ESCO1: variants seen among roughly 807,000 people sequenced by gnomAD.
The protein encoded by ESCO1 is establishment of sister chromatid cohesion N-acetyltransferase 1.
In ESCO1, 33 loss-of-function variants were observed where a neutral mutation model predicts 83.5. The ratio of observed to expected loss-of-function variants is 0.40; its 90% CI spans 0.30 to 0.53. The LOEUF (loss-of-function observed/expected upper bound fraction) is 0.53. Among genes scored for constraint, ESCO1 ranks in the 20% least tolerant of loss-of-function variants. The pLI is 0.63. For synonymous variants in ESCO1, 332 were observed against 324.3 expected, an observed-to-expected ratio of 1.02 and a Z score of -0.25; for missense variants, 855 against 968.0, an observed-to-expected ratio of 0.88 and a Z score of 1.55.
intron 4 of ESCO1, among the ~76,000 whole-genome samples, chr18:21,570,066 T>C (rs2038319105): frequency 6.6e-6 from 1 of 152,162 alleles, no homozygotes; most frequent in African/African-American, 2.4e-5. Flanking sequence ...TTGAGATTAG[T>C]GAAAAATAAT....
At chr18:21,584,031 C>G (rs920447420) in intron 2 of ESCO1, among the ~76,000 whole-genome samples, 1 of 152,094 alleles carries the variant, frequency 6.6e-6, no homozygotes, top group African/African-American at 2.4e-5. Flanking sequence ...AGAGAATATA[C>G]AGAATCATAT....
rs1485469521 is a variant in ESCO1, at chr18:21,575,197, G to A, written c.-354C>T. On this transcript the variant is annotated 5_prime_UTR_variant, in exon 4 of 12. Coordinates refer to ENST00000269214, the MANE Select transcript of ESCO1 (RefSeq NM_052911.3). ...ATTTTTTAATTAATTTTGGTTTCAG[G>A]CCTAGCTCTATTACTGGAGGAGTTA... The A allele has an allele frequency of 5.2e-6, 2 of 382,162 alleles. No individual in the cohort carries two copies. Among genetic ancestry groups the A allele is most frequent in the Admixed American group, 8.9e-5 (2 of 22,406 alleles). The allele number at this position is 382,162 out of a possible 1,614,324, so 23.7% of individuals were successfully genotyped here.
rs939200447 is a variant in ESCO1, at chr18:21,573,839, C to T, written c.1005G>A (p.Lys335=). 1 of 1,613,842 alleles carries T rather than the reference C, an allele frequency of 6.2e-7. No homozygotes were observed. Among genetic ancestry groups the T allele is most frequent in the Non-Finnish European group, 8.5e-7 (1 of 1,179,990 alleles). ...SSQMESVKEE[K]PTEIKLEETS... Reference sequence around the variant, plus strand: ...TCTCTTCCAATTTTATTTCTGTGGGCTTTTCTTCCTTTACACTTTCCATTT... The same window carrying T: ...TCTCTTCCAATTTTATTTCTGTGGGTTTTTCTTCCTTTACACTTTCCATTT... Residue 335 remains lysine (K), a synonymous_variant, in exon 4 of 12, where the codon AAG becomes AAA. Transcript: ENST00000269214.
intron 7 of ESCO1, among the ~76,000 whole-genome samples, chr18:21,562,255 A>C (rs569107841): frequency 4.8e-4 from 73 of 152,116 alleles, no homozygotes; most frequent in African/African-American, 1.7e-3. Flanking sequence ...AGCACTCTGG[A>C]TCACGAGGTC....
intron 1 of ESCO1, among the ~76,000 whole-genome samples, chr18:21,594,038 T>G (rs1056827343): frequency 1.3e-5 from 2 of 152,156 alleles, no homozygotes; most frequent in East Asian, 3.8e-4. Flanking sequence ...GCAGCCTGTT[T>G]AGCAAGAGCA....
At chr18:21,592,434 C>G (rs1474674216) in intron 1 of ESCO1, among the ~76,000 whole-genome samples, 1 of 144,096 alleles carries the variant, frequency 6.9e-6, no homozygotes, top group African/African-American at 2.6e-5. Flanking sequence ...GGGGCTGACC[C>G]CCCCACCTCC....
intron 9 of ESCO1, among the ~76,000 whole-genome samples, chr18:21,538,345 C>T (rs967311807): frequency 6.6e-6 from 1 of 150,544 alleles, no homozygotes; most frequent in Non-Finnish European, 1.5e-5. Flanking sequence ...GAGAAGCCAG[C>T]ACCCATAACT....
intron 5 of ESCO1, among the ~76,000 whole-genome samples, chr18:21,566,545 C>T (rs1174067281): frequency 6.6e-6 from 1 of 152,062 alleles, no homozygotes. Context: ...CAAATGAAAA[C>T]ATTTTCTTGT....
chr18:21,530,335 A>G lies in ESCO1; in HGVS notation c.*8T>C, dbSNP rs968832739. The G allele has an allele frequency of 6.3e-7, 1 of 1,574,856 alleles. No individual in the cohort carries two copies. The highest frequency in any genetic ancestry group is 8.6e-7 in the Non-Finnish European group (1 of 1,162,820). On this transcript the variant is annotated 3_prime_UTR_variant, in exon 12 of 12. Coordinates refer to ENST00000269214, the MANE Select transcript of ESCO1 (RefSeq NM_052911.3). ...GATGTCTTCTAGTGGTGTAGGCAAG[A>G]ATTTGTTTTACGTGCTATTCTGTCC...
At chr18:21,583,582 C>T (rs2850583) in intron 2 of ESCO1, among the ~76,000 whole-genome samples, 149,406 of 151,914 alleles carry the variant, frequency 0.98, 73,517 homozygotes, top group East Asian at 1. Flanking sequence ...AGGCAGAGGT[C>T]ATGGTGAGCC....
At chr18:21,590,958 A>G (rs80291080) in intron 1 of ESCO1, among the ~76,000 whole-genome samples, 7 of 141,822 alleles carry the variant, frequency 4.9e-5, no homozygotes, top group Admixed American at 1.6e-4. Flanking sequence ...AAAAAAAAAA[A>G]GAAAAAAATC....
intron 8 of ESCO1, among the ~76,000 whole-genome samples, chr18:21,553,822 T>A: frequency 7.1e-6 from 1 of 141,020 alleles, no homozygotes; most frequent in African/African-American, 2.7e-5. Flanking sequence ...GTTGCGCCAC[T>A]CACTGCACTC....
chr18:21,534,374 C>A (rs542434916), intron 10 of ESCO1, among the ~76,000 whole-genome samples: 1 of 152,302 alleles, frequency 6.6e-6, no homozygotes. Flanking sequence ...ACAGTAGTCA[C>A]ACACAATGTA....
chr18:21,591,660 CTTT>C (rs34643359), intron 1 of ESCO1, among the ~76,000 whole-genome samples: 1 of 140,448 alleles, frequency 7.1e-6, no homozygotes, highest in African/African-American at 2.7e-5. Context: ...ACCACAGATG[CTTT>C]TTTTTTTTTT....
At chr18:21,598,368 CA>C (rs2038794145) in intron 1 of ESCO1, among the ~76,000 whole-genome samples, 1 of 152,130 alleles carries the variant, frequency 6.6e-6, no homozygotes. Context: ...CATAATTTAT[CA>C]ATTTAAATGC....
In ESCO1 at chr18:21,575,314, T is replaced by G; in HGVS notation, c.-471A>C. On this transcript the variant is annotated 5_prime_UTR_variant, in exon 4 of 12. Coordinates refer to ENST00000269214, the MANE Select transcript of ESCO1 (RefSeq NM_052911.3). ...ACTTCGATTCACTTGAAACATGTCTTATGGCTAACACGTTTCTTTCCTTGT... is the reference window on the plus strand; with the variant it reads ...ACTTCGATTCACTTGAAACATGTCTGATGGCTAACACGTTTCTTTCCTTGT... The G allele has an allele frequency of 2.5e-6, 1 of 396,544 alleles. No homozygotes were observed. Among genetic ancestry groups the G allele is most frequent in the Non-Finnish European group, 4.4e-6 (1 of 224,840 alleles). The allele number at this position is 396,544 out of a possible 1,614,324, so 24.6% of individuals were successfully genotyped here.
intron 8 of ESCO1, among the ~76,000 whole-genome samples, chr18:21,541,501 G>C (rs1209926677): frequency 6.6e-6 from 1 of 151,272 alleles, no homozygotes; most frequent in Non-Finnish European, 1.5e-5. Flanking sequence ...GCTGAGGCAG[G>C]AGAATTGCTT....
intron 8 of ESCO1, among the ~76,000 whole-genome samples, chr18:21,549,749 C>G (rs931955569): frequency 6.6e-6 from 1 of 152,004 alleles, no homozygotes; most frequent in African/African-American, 2.4e-5. Flanking sequence ...GGTGGATTAC[C>G]TGAGGTCAGG....
chr18:21,592,197 G>C (rs1387520666), intron 1 of ESCO1, among the ~76,000 whole-genome samples: 6 of 149,366 alleles, frequency 4.0e-5, no homozygotes, highest in Admixed American at 4.0e-4. Flanking sequence ...ACACCTCCCA[G>C]ACGGGGTGGT....
Sources: gnomAD v4.1 joint callset for allele counts (sites outside exome capture counted in the v4.1 genomes callset) on GRCh38, gnomAD v4.1.1 for gene constraint, MANE v1.5 for transcripts, NCBI Gene and HGNC (gene_info 2026-07-23, HGNC 2026-07-21) for gene names.